SYNJ2: variants seen among roughly 807,000 people sequenced by gnomAD.
The protein encoded by SYNJ2 is synaptojanin 2.
Under a neutral mutation model 141.3 loss-of-function variants are expected in SYNJ2, and 116 were observed. The observed-to-expected ratio is 0.82, with a 90% CI of 0.71 to 0.96. The LOEUF (loss-of-function observed/expected upper bound fraction) is 0.96. Among genes scored for constraint, SYNJ2 ranks in the 40% least tolerant of loss-of-function variants. The pLI, the probability that SYNJ2 is intolerant of heterozygous loss-of-function variation, is 0.00. For synonymous variants in SYNJ2, 745 were observed against 777.7 expected (o/e 0.96, Z 0.70); for missense variants, 1,873 against 1,934.8 (o/e 0.97, Z 0.60).
At chr6:158,068,811 G>A in intron 13 of SYNJ2, 83 bp downstream of exon 13, 2 of 1,469,566 alleles carry the variant, frequency 1.4e-6, no homozygotes, top group East Asian at 2.3e-5. Flanking sequence ...AGGCTCTCCG[G>A]GAGCCAGCCT....
Position 158,017,277 on chromosome 6 carries a change from G to A in SYNJ2, c.201G>A (p.Leu67=). Residue 67 remains leucine, a synonymous_variant, in exon 2 of 27, where the codon CTG becomes CTA. Coordinates refer to ENST00000355585, the MANE Select transcript of SYNJ2 (RefSeq NM_003898.4). ...LTDAYGCLGE[L]RLKSGGTSLS... Reference sequence around the variant, plus strand: ...ACGCGTACGGCTGCCTGGGGGAGCTGAGGCTGAAATCTGGTGAGTAGCCGC... The same window carrying A: ...ACGCGTACGGCTGCCTGGGGGAGCTAAGGCTGAAATCTGGTGAGTAGCCGC... 6.2e-7 allele frequency: 1 copy of A among 1,613,584 alleles called. No homozygotes were observed. Among genetic ancestry groups the A allele is most frequent in the African/African-American group, 1.3e-5 (1 of 75,034 alleles).
chr6:158,092,588 A>G (rs935031981), intron 25 of SYNJ2, among the ~76,000 whole-genome samples: 1 of 151,950 alleles, frequency 6.6e-6, no homozygotes, highest in Non-Finnish European at 1.5e-5. Flanking sequence ...ACATAGTGAG[A>G]CCTCATCTCT....
At chr6:157,985,962 CGTCTCG>C (rs1293098853) in intron 1 of SYNJ2, among the ~76,000 whole-genome samples, 1 of 152,180 alleles carries the variant, frequency 6.6e-6, no homozygotes, top group Non-Finnish European at 1.5e-5. Flanking sequence ...TGCGAGGCCA[CGTCTCG>C]AGTTTAGCTT....
chr6:158,032,669 C>G (rs1390547931), intron 3 of SYNJ2, among the ~76,000 whole-genome samples: 1 of 152,208 alleles, frequency 6.6e-6, no homozygotes, highest in African/African-American at 2.4e-5. Flanking sequence ...TTCTCTGTGC[C>G]TCAGCTGCTT....
chr6:158,020,632 G>A (rs1187166794), intron 2 of SYNJ2, among the ~76,000 whole-genome samples: 7 of 150,314 alleles, frequency 4.7e-5, no homozygotes, highest in Admixed American at 2.0e-4. Flanking sequence ...ATTTCACTGC[G>A]TGGCTAACTC....
In SYNJ2 at chr6:158,071,877, G is replaced by A. The variant is rs1242185607; in HGVS notation, c.2133+83G>A. 1 of 1,480,098 alleles carries A rather than the reference G, an allele frequency of 6.8e-7. No homozygotes were observed. The highest frequency in any genetic ancestry group is 1.3e-5 in the South Asian group (1 of 77,594). 91.7% of individuals were successfully genotyped at this position (1,480,098 alleles called of 1,614,324 possible). A position where few individuals can be genotyped will look rare whatever the true frequency, so the allele number is the denominator to read the frequency against. ...ACTGTTGATAGGAGCCAGGCACTGG[G>A]GACACAACCACAGGGAGGGCCCCTT... On this transcript the variant is annotated intron_variant, in intron 15 of 26. Coordinates refer to ENST00000355585, the MANE Select transcript of SYNJ2 (RefSeq NM_003898.4). This position sits in a 1 kb window ranked among gnomAD's most constrained non-coding sequence, Gnocchi z 4.3.
rs769722489 is a variant in SYNJ2, at chr6:158,062,065, G to T, written c.1028G>T (p.Gly343Val). The change falls in exon 8 of 27, where the codon GGT becomes GTT. Residue 343 changes from glycine (G) to valine (V), a missense_variant. Coordinates refer to ENST00000355585, the MANE Select transcript of SYNJ2 (RefSeq NM_003898.4). The stretch of plus-strand genomic sequence containing the variant: ...TTTGACTTCCATCAGTTTGCCAAAG[G>T]TGGGAAGCTAGAGAAATTGGAGACC... The part of the protein sequence containing the change: ...INFDFHQFAK[G>V]GKLEKLETLL... 1.9e-6 allele frequency: 3 copies of T among 1,614,188 alleles called. No homozygotes were observed. The highest frequency in any genetic ancestry group is 2.5e-6 in the Non-Finnish European group (3 of 1,180,042).
chr6:158,067,436 A>T lies in SYNJ2; in HGVS notation c.1717+801A>T, dbSNP rs115805755. The T allele has an allele frequency of 1.4e-3, 1,395 of 985,112 alleles. 19 individuals are homozygous for T. The African/African-American group carries it at 0.022, about 15-fold the overall frequency. 61.0% of individuals were successfully genotyped at this position (985,112 alleles called of 1,614,324 possible). The stretch of plus-strand genomic sequence containing the variant: ...TTCATGTGCTATTTAGGAATAAAAT[A>T]ATTCCAAATGTTGACACCTCACCTT... On this transcript the variant is annotated intron_variant, in intron 12 of 26. Coordinates refer to ENST00000355585, the MANE Select transcript of SYNJ2 (RefSeq NM_003898.4).
rs1263287843 is a variant in SYNJ2 at position 158,096,913 on chromosome 6, G to A, written c.*549G>A. ...AATAGGTCAACCTAATGACTAGACT[G>A]TACATTCCCATGAGCCTTCATGTTT... On this transcript the variant is annotated 3_prime_UTR_variant, in exon 27 of 27. Coordinates refer to ENST00000355585, the MANE Select transcript of SYNJ2 (RefSeq NM_003898.4). 6.5e-6 allele frequency: 1 copy of A among 153,972 alleles called. No homozygotes were observed. The highest frequency in any genetic ancestry group is 2.4e-5 in the African/African-American group (1 of 41,468). 9.5% of individuals were successfully genotyped at this position (153,972 alleles called of 1,614,324 possible).
At chr6:158,067,311 G>C in intron 12 of SYNJ2, 3 of 556,732 alleles carry the variant, frequency 5.4e-6, no homozygotes, top group Non-Finnish European at 6.8e-6. Context: ...GCGCCACCGC[G>C]CCTGGCCCTG....
intron 20 of SYNJ2, 40 bp from the exon 21 acceptor site, chr6:158,083,389 G>T: frequency 6.2e-7 from 1 of 1,603,950 alleles, no homozygotes; most frequent in Non-Finnish European, 8.5e-7. Flanking sequence ...GAGGGGTCAT[G>T]ATTTTTATTT....
At chr6:158,017,399 T>C in intron 2 of SYNJ2, 109 bp downstream of exon 2, 10 of 832,932 alleles carry the variant, frequency 1.2e-5, no homozygotes, top group South Asian at 2.1e-5. Context: ...CTCTTCTCTC[T>C]CTCTTCTTTT....
intron 1 of SYNJ2, among the ~76,000 whole-genome samples, chr6:157,991,907 G>T (rs1777440255): frequency 9.0e-6 from 1 of 111,028 alleles, no homozygotes; most frequent in Non-Finnish European, 1.9e-5. Flanking sequence ...AATGCCAAGG[G>T]ATTGATTAAA....
chr6:157,988,452 T>TG (rs1283340064), intron 1 of SYNJ2, among the ~76,000 whole-genome samples: 55 of 152,312 alleles, frequency 3.6e-4, no homozygotes, highest in African/African-American at 1.3e-3. Context: ...CAGCTGGGCA[T>TG]ACAGGATGCA....
chr6:158,003,600 C>G (rs1418346056), intron 1 of SYNJ2, among the ~76,000 whole-genome samples: 1 of 152,176 alleles, frequency 6.6e-6, no homozygotes, highest in Non-Finnish European at 1.5e-5. Flanking sequence ...GTTAAATGAC[C>G]TCATTATTTT....
chr6:157,990,236 T>C (rs1777370369), intron 1 of SYNJ2, among the ~76,000 whole-genome samples: 1 of 152,238 alleles, frequency 6.6e-6, no homozygotes, highest in South Asian at 2.1e-4. Context: ...TGTGAAGGTC[T>C]GAGCTTCATT....
In SYNJ2 at chr6:158,096,101, G is replaced by A; in HGVS notation, c.4228G>A (p.Asp1410Asn). The A allele has an allele frequency of 1.9e-6, 3 of 1,614,224 alleles. No homozygotes were observed. Among genetic ancestry groups the A allele is most frequent in the Non-Finnish European group, 2.5e-6 (3 of 1,180,034 alleles). The change falls in exon 27 of 27, where the codon GAT becomes AAT. Residue 1410 changes from aspartate (D) to asparagine (N), a missense_variant. By Grantham distance (23) the Asp-to-Asn change is conservative. Transcript: ENST00000355585. Reference protein sequence around the residue: ...MKPEAAPLLGDYQDPFWNLLH... With the variant: ...MKPEAAPLLGNYQDPFWNLLH... The stretch of plus-strand genomic sequence containing the variant: ...GCCAGAGGCAGCCCCACTTCTTGGT[G>A]ATTATCAGGACCCCTTCTGGAACCT...
intron 1 of SYNJ2, among the ~76,000 whole-genome samples, chr6:157,997,212 A>G (rs1224119182): frequency 1.3e-5 from 2 of 152,156 alleles, no homozygotes; most frequent in Non-Finnish European, 2.9e-5. Context: ...CACTGCAAAA[A>G]TGCATTGTGG....
intron 26 of SYNJ2, among the ~76,000 whole-genome samples, 160 bp downstream of exon 26, chr6:158,093,264 C>T (rs528165085): frequency 1.3e-5 from 2 of 152,052 alleles, no homozygotes; most frequent in South Asian, 2.1e-4. Flanking sequence ...TGTGAAACCC[C>T]GTCTCTACTA....
Sources: allele counts gnomAD v4.1 joint callset (sites outside exome capture counted in the v4.1 genomes callset), GRCh38; gene constraint gnomAD v4.1.1; non-coding constraint Gnocchi (gnomAD v3.1); transcripts MANE v1.5; gene names NCBI Gene and HGNC (gene_info 2026-07-23, HGNC 2026-07-21).